Variants in SNX11 observed in about 807,000 individuals in gnomAD.
SNX11 encodes the protein sorting nexin 11.
In SNX11, 19 loss-of-function variants were observed where a neutral mutation model predicts 30.7. That is an observed-to-expected ratio of 0.62 (90% CI 0.43 to 0.91). SNX11 has a LOEUF of 0.91. Ranked by LOEUF, SNX11 falls within the 40% of genes least tolerant of loss-of-function variation. The pLI, the probability that SNX11 is intolerant of heterozygous loss-of-function variation, is 0.00. For missense variants in SNX11, 302 were observed against 326.7 expected (o/e 0.92, Z 0.58); for synonymous variants, 112 against 119.0 (o/e 0.94, Z 0.38).
At chr17:48,116,532 T>C (rs2063547353) in intron 4 of SNX11, among the ~76,000 whole-genome samples, 1 of 152,000 alleles carries the variant, frequency 6.6e-6, no homozygotes, top group South Asian at 2.1e-4. Context: ...GTTTCTTCCT[T>C]TTTAAAAATA....
At chr17:48,118,640 G>T in intron 4 of SNX11, 64 bp from the exon 5 acceptor site, 1 of 1,162,252 alleles carries the variant, frequency 8.6e-7, no homozygotes, top group Non-Finnish European at 1.3e-6. Flanking sequence ...TCCTTGATCA[G>T]AGGCCGGAAT....
At chr17:48,117,914 C>G (rs1008130775) in intron 4 of SNX11, among the ~76,000 whole-genome samples, 1 of 152,064 alleles carries the variant, frequency 6.6e-6, no homozygotes, top group African/African-American at 2.4e-5. Context: ...TTCTGGGAGG[C>G]TGATGCAGGA....
intron 4 of SNX11, among the ~76,000 whole-genome samples, chr17:48,114,164 T>C (rs2063519549): frequency 8.6e-6 from 1 of 116,888 alleles, no homozygotes; most frequent in Non-Finnish European, 1.8e-5. Context: ...CTGGGAAATA[T>C]GTTCTTTTTT....
At chr17:48,112,397 T>C in intron 2 of SNX11, 177 bp from the exon 3 acceptor site, 1 of 666,858 alleles carries the variant, frequency 1.5e-6, no homozygotes, top group East Asian at 2.5e-5. Flanking sequence ...GTAGTGGGGC[T>C]CAGTAAAAAT....
At position 48,118,805 on chromosome 17, in the gene SNX11, T is replaced by C. The variant is rs747083699; in HGVS notation, c.326+6T>C. The C allele has an allele frequency of 3.1e-5, 50 of 1,612,038 alleles. No homozygotes were observed. Among genetic ancestry groups the C allele is most frequent in the Non-Finnish European group, 4.1e-5 (48 of 1,178,436 alleles). ...CTGCAGCACTTCCTTGAAAAGTGAG[T>C]GGACAGAACGGCTGGTGCTGGCCAC... On this transcript the variant is annotated splice_donor_region_variant and intron_variant, in intron 5 of 6. Transcript: ENST00000359238.
intron 6 of SNX11, among the ~76,000 whole-genome samples, chr17:48,119,952 T>G (rs947307496): frequency 3.9e-5 from 6 of 152,122 alleles, no homozygotes; most frequent in African/African-American, 1.4e-4. Flanking sequence ...CAACCACTAG[T>G]CTACTTTCTC....
At position 48,119,067 on chromosome 17, in the gene SNX11, G is replaced by A. The variant is rs768393694; in HGVS notation, c.420G>A (p.Gln140=). The A allele has an allele frequency of 6.2e-7, 1 of 1,614,168 alleles. No individual in the cohort carries two copies. Among genetic ancestry groups the A allele is most frequent in the East Asian group, 2.2e-5 (1 of 44,886 alleles). The part of the protein sequence containing the change: ...LSVPEIEACV[Q]GRSTMTVSDA... ...TGCCTGAGATAGAAGCCTGTGTCCA[G>A]GGCCGAAGTACCATGACTGTGTCTG... Residue 140 remains glutamine, a synonymous_variant, in exon 6 of 7, where the codon CAG becomes CAA. Coordinates refer to ENST00000359238, the MANE Select transcript of SNX11 (RefSeq NM_013323.3).
At chr17:48,117,810 C>T (rs2063560617) in intron 4 of SNX11, among the ~76,000 whole-genome samples, 1 of 152,092 alleles carries the variant, frequency 6.6e-6, no homozygotes, top group South Asian at 2.1e-4. Context: ...TGAGACCAGC[C>T]TGGGCAACAG....
intron 1 of SNX11, among the ~76,000 whole-genome samples, chr17:48,110,922 C>T (rs2063485812): frequency 6.6e-6 from 1 of 152,152 alleles, no homozygotes; most frequent in South Asian, 2.1e-4. Flanking sequence ...CCCCATTGGA[C>T]TTGAGTAACC....
Position 48,121,432 on chromosome 17 carries a change from C to T in SNX11, c.737C>T (p.Ser246Phe). The T allele has an allele frequency of 6.2e-7, 1 of 1,614,160 alleles. No individual in the cohort carries two copies. Among genetic ancestry groups the T allele is most frequent in the African/African-American group, 1.3e-5 (1 of 75,042 alleles). Residue 246 changes from serine (S) to phenylalanine (F), a missense_variant, in exon 7 of 7, where the codon TCT becomes TTT. Coordinates refer to ENST00000359238, the MANE Select transcript of SNX11 (RefSeq NM_013323.3). ...AAAGAGGGAACCTCCACTCTTCAGTCTGTGAGGAGGGCTGTGGGAGGAGAT... is the reference window on the plus strand; with the variant it reads ...AAAGAGGGAACCTCCACTCTTCAGTTTGTGAGGAGGGCTGTGGGAGGAGAT... ...RPKEGTSTLQ[S>F]VRRAVGGDHA...
Position 48,118,711 on chromosome 17 carries a change from C to T in SNX11, c.238C>T (p.Pro80Ser). Residue 80 changes from proline (P) to serine (S), a missense_variant, in exon 5 of 7, where the codon CCT becomes TCT. Pro to Ser is a moderately conservative substitution (Grantham distance 74). Coordinates refer to ENST00000359238, the MANE Select transcript of SNX11 (RefSeq NM_013323.3). ...LQRNAGLVPV[P>S]ELPGKSTFFG... is the part of the protein sequence containing the mutation. ...TATCATGTGGCTGCACAGGCCTGTT[C>T]CTGAACTTCCTGGGAAGTCAACCTT... 6.2e-7 allele frequency: 1 copy of T among 1,613,588 alleles called. No individual in the cohort carries two copies. Among genetic ancestry groups the T allele is most frequent in the East Asian group, 2.2e-5 (1 of 44,874 alleles).
chr17:48,113,514 T>G, intron 4 of SNX11, 113 bp downstream of exon 4: 1 of 721,030 alleles, frequency 1.4e-6, no homozygotes, highest in Admixed American at 2.4e-5. Context: ...CTAAGGAAAT[T>G]GGGAAATATG....
Position 48,121,548 on chromosome 17 carries a change from G to A in SNX11, c.*40G>A, listed in dbSNP as rs764137559. ...TCTGAGATGGTCAGAGAAGATGCGG[G>A]CCAGGAGACTTACTCAGGTGGGACT... On this transcript the variant is annotated 3_prime_UTR_variant, in exon 7 of 7. Coordinates refer to ENST00000359238, the MANE Select transcript of SNX11 (RefSeq NM_013323.3). 2 of 1,600,634 alleles carry A rather than the reference G, an allele frequency of 1.2e-6. No homozygotes were observed. Among genetic ancestry groups the A allele is most frequent in the South Asian group, 2.2e-5 (2 of 89,528 alleles).
chr17:48,119,279 C>T, intron 6 of SNX11, 93 bp downstream of exon 6: 1 of 986,004 alleles, frequency 1.0e-6, no homozygotes, highest in Non-Finnish European at 1.6e-6. Flanking sequence ...AATGTCATAG[C>T]ATTGGTAGCC....
intron 4 of SNX11, among the ~76,000 whole-genome samples, chr17:48,117,969 C>A (rs1247472304): frequency 1.3e-5 from 2 of 152,070 alleles, no homozygotes; most frequent in Non-Finnish European, 2.9e-5. Context: ...GAGCTATGCT[C>A]ACGTTTATGC....
intron 4 of SNX11, among the ~76,000 whole-genome samples, chr17:48,116,377 C>A (rs1433768786): frequency 6.6e-6 from 1 of 152,024 alleles, no homozygotes; most frequent in East Asian, 1.9e-4. Context: ...CCACCATGCT[C>A]AGCTAATTTT....
chr17:48,112,921 A>T (rs1035208753), intron 3 of SNX11: 2 of 271,594 alleles, frequency 7.4e-6, no homozygotes, highest in African/African-American at 4.5e-5. Context: ...TTTTTTTAGT[A>T]GAGATGGGGT....
At chr17:48,115,815 A>G (rs2063539731) in intron 4 of SNX11, among the ~76,000 whole-genome samples, 1 of 152,150 alleles carries the variant, frequency 6.6e-6, no homozygotes, top group Admixed American at 6.5e-5. Flanking sequence ...GTTAGTTAAC[A>G]TGTGGAACTG....
chr17:48,109,966 C>G (rs535139249), intron 1 of SNX11, among the ~76,000 whole-genome samples: 1 of 146,514 alleles, frequency 6.8e-6, no homozygotes, highest in Admixed American at 7.2e-5. Context: ...ATTTGACAAA[C>G]CTTTTTCAAG....
Sources: allele counts gnomAD v4.1 joint callset (sites outside exome capture counted in the v4.1 genomes callset), GRCh38; gene constraint gnomAD v4.1.1; transcripts MANE v1.5; gene names NCBI Gene and HGNC (gene_info 2026-07-23, HGNC 2026-07-21).